KRT222: variants seen among roughly 807,000 people sequenced by gnomAD.
KRT222 encodes the protein keratin-like protein KRT222.
Under a neutral mutation model 35.0 loss-of-function variants are expected in KRT222, and 23 were observed. The ratio of observed to expected loss-of-function variants is 0.66; its 90% CI spans 0.47 to 0.93. The LOEUF is 0.93. Ranked by LOEUF, KRT222 falls within the 40% of genes least tolerant of loss-of-function variation. KRT222 has a pLI of 0.00. For missense variants in KRT222, 339 were observed against 346.3 expected (o/e 0.98, Z 0.17); for synonymous variants, 108 against 118.8 (o/e 0.91, Z 0.59).
At chr17:40,659,139 G>GTC (rs34880856) in intron 3 of KRT222, among the ~76,000 whole-genome samples, 23 of 71,046 alleles carry the variant, frequency 3.2e-4, no homozygotes, top group Non-Finnish European at 5.4e-4. Flanking sequence ...GTTAGGAAAG[G>GTC]TCTCTCTCTC....
chr17:40,661,334 T>G (rs2037382630), intron 2 of KRT222, among the ~76,000 whole-genome samples: 1 of 151,938 alleles, frequency 6.6e-6, no homozygotes, highest in Non-Finnish European at 1.5e-5. Flanking sequence ...TGGCATGATC[T>G]TGGCTTACTG....
Position 40,660,131 on chromosome 17 carries a change from A to G in KRT222, c.302T>C (p.Ile101Thr), listed in dbSNP as rs1179484146. ...QMQLQDLETVIEGLEKELQEV... is the reference protein window; with the variant it reads ...QMQLQDLETVTEGLEKELQEV... ...CTGTAGCTCTTTTTCTAGTCCTTCA[A>G]TCACAGTCTCTAGGTCTTGCAGCTG... The change falls in exon 3 of 6, where the codon ATT (isoleucine) becomes ACT (threonine). Residue 101 changes from isoleucine to threonine, a missense_variant. By Grantham distance (89) the Ile-to-Thr change is moderately conservative (BLOSUM62 -1). Transcript: ENST00000394052. The G allele has an allele frequency of 1.7e-5, 27 of 1,613,982 alleles. No individual in the cohort carries two copies. The highest frequency in any genetic ancestry group is 1.6e-4 in the Middle Eastern group (1 of 6,084).
intron 3 of KRT222, among the ~76,000 whole-genome samples, chr17:40,658,630 C>T (rs1024888648): frequency 6.6e-5 from 10 of 152,118 alleles, no homozygotes; most frequent in Non-Finnish European, 1.2e-4. Flanking sequence ...CCCAAGGTCA[C>T]TCAGCTAGTA....
At chr17:40,658,036 G>A in intron 3 of KRT222, among the ~76,000 whole-genome samples, 1 of 151,882 alleles carries the variant, frequency 6.6e-6, no homozygotes. Flanking sequence ...GGACTAATAA[G>A]CATCAAATTC....
intron 3 of KRT222, 38 bp from the exon 4 acceptor site, chr17:40,657,788 G>T: frequency 7.4e-7 from 1 of 1,344,562 alleles, no homozygotes; most frequent in Non-Finnish European, 1.1e-6. Context: ...GAGCAACACT[G>T]TATCAGCAAA....
At position 40,656,128 on chromosome 17, in the gene KRT222, CTATTGGGAGAATA is replaced by C. The variant is rs2037341986; in HGVS notation, c.*261_*273del. On this transcript the variant is annotated 3_prime_UTR_variant, in exon 6 of 6. Coordinates refer to ENST00000394052, the MANE Select transcript of KRT222 (RefSeq NM_152349.3). ...ATGAAGTTTCAAGGGAAAAAGAAGA[CTATTGGGAGAATA>C]TAAAGAAAGAGACTGTACTGGATTT... is the stretch of plus-strand genomic sequence containing the variant. 3.6e-6 allele frequency: 1 copy of C among 275,958 alleles called. No individual in the cohort carries two copies. The highest frequency in any genetic ancestry group is 2.2e-5 in the African/African-American group (1 of 45,530). The allele number at this position is 275,958 out of a possible 1,614,324, so 17.1% of individuals were successfully genotyped here. A position where few individuals can be genotyped will look rare whatever the true frequency, so the allele number is the denominator to read the frequency against.
At position 40,656,486 on chromosome 17, in the gene KRT222, A is replaced by G. The variant is rs2037344901; in HGVS notation, c.804T>C (p.Asp268=). 1 of 1,613,848 alleles carries G rather than the reference A, an allele frequency of 6.2e-7. No individual in the cohort carries two copies. ...TDEGCLETKQ[D]NLPDIEVRLI... is the part of the protein sequence containing the mutation. ...GCCTGACTTCTATATCTGGTAGATT[A>G]TCCTGCTTAGTCTCTAAACACCCTT... Residue 268 remains aspartate (D), a synonymous_variant, in exon 6 of 6, where the codon GAT becomes GAC. Transcript: ENST00000394052.
At position 40,656,432 on chromosome 17, in the gene KRT222, G is replaced by C; in HGVS notation, c.858C>G (p.Pro286=). The C allele has an allele frequency of 6.2e-7, 1 of 1,613,448 alleles. No homozygotes were observed. The highest frequency in any genetic ancestry group is 1.7e-5 in the Admixed American group (1 of 60,008). The change falls in exon 6 of 6, where the codon CCC becomes CCG. Residue 286 remains proline, a synonymous_variant. Coordinates refer to ENST00000394052, the MANE Select transcript of KRT222 (RefSeq NM_152349.3). The part of the protein sequence containing the change: ...RLIMRRSCSI[P]SIKPPSTAN ...TAGCTGTTGATGGAGGTTTGATAGAGGGAATACTGCATGATCTTCTCATGA... is the reference window on the plus strand; with the variant it reads ...TAGCTGTTGATGGAGGTTTGATAGACGGAATACTGCATGATCTTCTCATGA...
In KRT222 at chr17:40,657,368, C is replaced by T. The variant is rs762412972; in HGVS notation, c.643G>A (p.Ala215Thr). Residue 215 changes from alanine to threonine, a missense_variant, in exon 5 of 6, where the codon GCT (alanine) becomes ACT (threonine). Coordinates refer to ENST00000394052, the MANE Select transcript of KRT222 (RefSeq NM_152349.3). ...TTTACTTACTGAATAGTGCCATGAG[C>T]TTCAGTGCTCTCCTTAACGATACTC... ...NGSIVKESTEAHGTIQTEKVD... is the reference protein window; with the variant it reads ...NGSIVKESTETHGTIQTEKVD... The T allele has an allele frequency of 1.3e-6, 2 of 1,598,358 alleles. No homozygotes were observed. The highest frequency in any genetic ancestry group is 1.3e-5 in the African/African-American group (1 of 74,486).
intron 4 of KRT222, 88 bp downstream of exon 4, chr17:40,657,586 G>A (rs993059877): frequency 4.4e-5 from 49 of 1,115,582 alleles, no homozygotes; most frequent in Middle Eastern, 2.0e-4. Flanking sequence ...GTTTTTTTTC[G>A]ACTTTAAAGT....
chr17:40,660,314 C>G, intron 2 of KRT222, 107 bp from the exon 3 acceptor site: 1 of 878,924 alleles, frequency 1.1e-6, no homozygotes, highest in Non-Finnish European at 1.7e-6. Context: ...GGAGTCTCAC[C>G]CTGTTGCCCA....
rs775367816 is a variant in KRT222 at position 40,665,139 on chromosome 17, G to A, written c.-40C>T. On this transcript the variant is annotated 5_prime_UTR_variant, in exon 1 of 6. Transcript: ENST00000394052. ...CCACCTTGGCTAACTGAACCTTATC[G>A]ATAGGATGAGTCGCTGCGGCAGTCT... 3.2e-5 allele frequency: 51 copies of A among 1,585,380 alleles called. No homozygotes were observed. The highest frequency in any genetic ancestry group is 4.3e-5 in the Non-Finnish European group (50 of 1,155,426).
intron 3 of KRT222, among the ~76,000 whole-genome samples, chr17:40,659,153 CTCTCTT>C (rs1428950029): frequency 1.0e-3 from 142 of 138,890 alleles, no homozygotes; most frequent in African/African-American, 3.4e-3. Context: ...CTCTCTCTCT[CTCTCTT>C]TTTTTTTTTT....
At chr17:40,657,326 T>G in intron 5 of KRT222, 26 bp downstream of exon 5, 1 of 1,455,272 alleles carries the variant, frequency 6.9e-7, no homozygotes, top group Non-Finnish European at 9.2e-7. Flanking sequence ...TTATTATTAT[T>G]TCTTAGTCAA....
chr17:40,656,740 G>T (rs961969164), intron 5 of KRT222, 110 bp from the exon 6 acceptor site: 1 of 613,280 alleles, frequency 1.6e-6, no homozygotes, highest in Non-Finnish European at 2.8e-6. Context: ...ATAATTTATA[G>T]TGTATAGAAT....
At chr17:40,658,899 G>T (rs898383531) in intron 3 of KRT222, among the ~76,000 whole-genome samples, 5 of 152,108 alleles carry the variant, frequency 3.3e-5, no homozygotes, top group Non-Finnish European at 5.9e-5. Context: ...TTCCTATCAG[G>T]ATATCTGGTA....
intron 1 of KRT222, among the ~76,000 whole-genome samples, chr17:40,664,330 C>T (rs1028935671): frequency 2.0e-5 from 3 of 152,122 alleles, no homozygotes; most frequent in Non-Finnish European, 4.4e-5. Context: ...TAAGTAGGCT[C>T]TCTTTCTCTT....
rs1056421811 is a variant in KRT222 at position 40,656,309 on chromosome 17, C to T, written c.*93G>A. On this transcript the variant is annotated 3_prime_UTR_variant, in exon 6 of 6. Coordinates refer to ENST00000394052, the MANE Select transcript of KRT222 (RefSeq NM_152349.3). ...TTGATCATAACATTTTCCATACATA[C>T]GTAATAACTTACATTTTGGGACAGA... is the stretch of plus-strand genomic sequence containing the variant. 123 of 799,114 alleles carry T rather than the reference C, an allele frequency of 1.5e-4. No individual in the cohort carries two copies. The highest frequency in any genetic ancestry group is 4.6e-4 in the Middle Eastern group (2 of 4,346). 49.5% of individuals were successfully genotyped at this position (799,114 alleles called of 1,614,324 possible).
intron 1 of KRT222, among the ~76,000 whole-genome samples, chr17:40,664,560 C>A (rs1387221103): frequency 6.6e-6 from 1 of 151,972 alleles, no homozygotes; most frequent in African/African-American, 2.4e-5. Context: ...ATGATAGAAA[C>A]CTTTTAGAAA....
Sources: gnomAD v4.1 joint callset for allele counts (sites outside exome capture counted in the v4.1 genomes callset) on GRCh38, gnomAD v4.1.1 for gene constraint, MANE v1.5 for transcripts, NCBI Gene and HGNC (gene_info 2026-07-23, HGNC 2026-07-21) for gene names.